The following HABP4 variants were observed in gnomAD, a reference collection of about 807,000 sequenced individuals.
HABP4 encodes hyaluronan binding protein 4.
Under a neutral mutation model 44.1 loss-of-function variants are expected in HABP4, and 32 were observed. The ratio of observed to expected loss-of-function variants is 0.73; its 90% CI spans 0.55 to 0.97. HABP4 has a LOEUF of 0.97. Among genes scored for constraint, HABP4 ranks in the 50% least tolerant of loss-of-function variants. HABP4 has a pLI of 0.00. For synonymous variants in HABP4, 216 were observed against 218.0 expected (o/e 0.99, Z 0.08); for missense variants, 503 against 561.9 (o/e 0.90, Z 1.06).
chr9:96,480,754 A>G (rs1832862826), intron 5 of HABP4, among the ~76,000 whole-genome samples: 1 of 152,250 alleles, frequency 6.6e-6, no homozygotes, highest in African/African-American at 2.4e-5. Context: ...TATGAAATGT[A>G]TAAATCTTAA....
intron 1 of HABP4, among the ~76,000 whole-genome samples, chr9:96,455,311 G>C (rs949890023): frequency 6.6e-6 from 1 of 151,300 alleles, no homozygotes; most frequent in Non-Finnish European, 1.5e-5. Context: ...AATTACCTGA[G>C]CGTGGTGGCA....
At chr9:96,467,552 G>T (rs2131134134) in intron 4 of HABP4, among the ~76,000 whole-genome samples, 2 of 125,790 alleles carry the variant, frequency 1.6e-5, no homozygotes, top group Admixed American at 9.1e-5. Context: ...TTGAGACGGA[G>T]TCTCACTCTG....
upstream of HABP4, chr9:96,450,104 C>T (rs1479625970): frequency 1.8e-6 from 1 of 554,144 alleles, no homozygotes. The surrounding 1 kb of genome is among the most constrained non-coding windows in gnomAD (Gnocchi z 4.8). Context: ...GACTGGCTGT[C>T]TGGCGCAGCG....
chr9:96,489,683 G>A (rs941953393), intron 7 of HABP4, among the ~76,000 whole-genome samples: 3 of 152,224 alleles, frequency 2.0e-5, no homozygotes, highest in East Asian at 1.9e-4. Flanking sequence ...TCCAGTGCCC[G>A]GCACGCAGTA....
At chr9:96,456,788 T>A (rs1243477551) in intron 1 of HABP4, among the ~76,000 whole-genome samples, 637 of 54,984 alleles carry the variant, frequency 0.012, 22 homozygotes, top group African/African-American at 0.033. Flanking sequence ...AAAATATATA[T>A]ATATATATAT....
intron 1 of HABP4, among the ~76,000 whole-genome samples, chr9:96,453,127 C>T (rs111514139): frequency 0.016 from 2,067 of 126,566 alleles, 59 homozygotes; most frequent in African/African-American, 0.06. Context: ...AGTGCAGTGG[C>T]GGGATCTTGA....
intron 5 of HABP4, among the ~76,000 whole-genome samples, chr9:96,477,295 ATTTC>A (rs1442423958): frequency 6.6e-6 from 1 of 152,194 alleles, no homozygotes; most frequent in African/African-American, 2.4e-5. Context: ...ATTCCTTAAT[ATTTC>A]TTTATTTTTA....
chr9:96,475,390 C>CA (rs61553823), intron 5 of HABP4, among the ~76,000 whole-genome samples: 2,049 of 94,096 alleles, frequency 0.022, 28 homozygotes, highest in African/African-American at 0.036. Flanking sequence ...ACAACAACAA[C>CA]AAAAAAAAAA....
At chr9:96,451,495 GT>G (rs1832277838) in intron 1 of HABP4, 1 of 983,936 alleles carries the variant, frequency 1.0e-6, no homozygotes, top group Admixed American at 6.1e-5. Context: ...GGTTTGCAGA[GT>G]GTTAGGATTA....
intron 5 of HABP4, chr9:96,483,921 T>C (rs1832924465): frequency 6.6e-6 from 1 of 152,316 alleles, no homozygotes; most frequent in South Asian, 2.1e-4. Context: ...TCCATTGAAT[T>C]GTCTTTGGCA....
chr9:96,455,928 G>A (rs1282719098), intron 1 of HABP4, among the ~76,000 whole-genome samples: 4 of 151,814 alleles, frequency 2.6e-5, no homozygotes, highest in Non-Finnish European at 4.4e-5. Context: ...GGTGGCACAT[G>A]TCTGTAATCC....
Position 96,450,271 on chromosome 9 carries a change from C to G in HABP4, c.-9C>G. ...GCTGCCCTCCCGGGCCCGCAGTGGT[C>G]GCGGCGGCATGAAGGGCGCTCTGGG... On this transcript the variant is annotated 5_prime_UTR_variant, in exon 1 of 8. Coordinates refer to ENST00000375249, the MANE Select transcript of HABP4 (RefSeq NM_014282.4). The surrounding 1 kb of genome is among the most constrained non-coding windows in gnomAD (Gnocchi z 4.8). 7.0e-7 allele frequency: 1 copy of G among 1,433,044 alleles called. No homozygotes were observed. 88.8% of individuals were successfully genotyped at this position (1,433,044 alleles called of 1,614,324 possible). A position where few individuals can be genotyped will look rare whatever the true frequency, so the allele number is the denominator to read the frequency against.
At chr9:96,466,427 G>A (rs752812951) in intron 4 of HABP4, among the ~76,000 whole-genome samples, 1 of 152,144 alleles carries the variant, frequency 6.6e-6, no homozygotes, top group Non-Finnish European at 1.5e-5. Flanking sequence ...ATGGTGACAA[G>A]ATCTCACTAT....
At chr9:96,475,501 C>T (rs1203176600) in intron 5 of HABP4, among the ~76,000 whole-genome samples, 1 of 152,172 alleles carries the variant, frequency 6.6e-6, no homozygotes, top group Non-Finnish European at 1.5e-5. Context: ...CTTTGCCACT[C>T]CATGAAGGAG....
intron 7 of HABP4, among the ~76,000 whole-genome samples, chr9:96,489,709 C>T (rs1020005809): frequency 2.6e-5 from 4 of 152,226 alleles, no homozygotes; most frequent in East Asian, 3.8e-4. Flanking sequence ...TCTATTTACT[C>T]GATGAAGGAC....
At chr9:96,458,690 C>A (rs1225161210) in intron 2 of HABP4, 149 bp downstream of exon 2, 1 of 568,284 alleles carries the variant, frequency 1.8e-6, no homozygotes, top group African/African-American at 1.9e-5. Flanking sequence ...ATGGTGCGAT[C>A]TCGGCTCACT....
rs1833009243 is a variant in HABP4, at chr9:96,488,198, G to A, written c.1109G>A (p.Gly370Glu). ...NFGNLPRPGR[G>E]ARGGTRGGRG... is the part of the protein sequence containing the mutation. ...GGTAACCTCCCTCGTCCTGGGCGTG[G>A]AGCCAGAGGAGGCACCCGGGGAGGC... The change falls in exon 7 of 8, where the codon GGA (glycine) becomes GAA (glutamate). Residue 370 changes from glycine to glutamate, a missense_variant. By Grantham distance (98) the Gly-to-Glu change is moderately conservative. This residue lies in a region of HABP4 where 82 missense variants were observed against 71.6 expected (regional missense o/e 1.15). Transcript: ENST00000375249. The surrounding 1 kb of genome is among the most constrained non-coding windows in gnomAD (Gnocchi z 4.6). 1 of 1,613,826 alleles carries A rather than the reference G, an allele frequency of 6.2e-7. No homozygotes were observed. The highest frequency in any genetic ancestry group is 8.5e-7 in the Non-Finnish European group (1 of 1,179,710).
intron 5 of HABP4, among the ~76,000 whole-genome samples, chr9:96,474,044 A>G (rs7038932): frequency 0.18 from 27,996 of 152,166 alleles, 2,791 homozygotes; most frequent in African/African-American, 0.24. Context: ...GCGTGCGTTT[A>G]TATCTGTGTC....
chr9:96,479,999 A>C (rs1832848606), intron 5 of HABP4, among the ~76,000 whole-genome samples: 1 of 151,848 alleles, frequency 6.6e-6, no homozygotes, highest in African/African-American at 2.4e-5. Context: ...ACCCTCCCCC[A>C]CCCAGTCTCT....
Sources: gnomAD v4.1 joint callset for allele counts (sites outside exome capture counted in the v4.1 genomes callset) on GRCh38, gnomAD v4.1.1 for gene constraint, gnomAD v4.1.1 regional missense constraint, Gnocchi (gnomAD v3.1) non-coding constraint, MANE v1.5 for transcripts, NCBI Gene and HGNC (gene_info 2026-07-23, HGNC 2026-07-21) for gene names.